MYH11: variants seen among roughly 807,000 people sequenced by gnomAD.
The protein encoded by MYH11 is myosin heavy chain 11, also known as myosin-11.
A neutral mutation model predicts 246.6 loss-of-function variants in MYH11; 80 were observed. The observed-to-expected ratio is 0.32, with a 90% confidence interval of 0.27 to 0.39. The LOEUF (loss-of-function observed/expected upper bound fraction) is 0.39. MYH11 is among the 10% of genes least tolerant of loss of function. MYH11 has a pLI of 1.00. For missense variants in MYH11, 2,158 were observed against 2,546.8 expected, an observed-to-expected ratio of 0.85 and a Z score of 3.29; for synonymous variants, 1,071 against 1,015.5, an observed-to-expected ratio of 1.05 and a Z score of -1.04.
intron 3 of MYH11, among the ~76,000 whole-genome samples, chr16:15,813,272 C>G (rs1008114666): frequency 6.6e-6 from 1 of 151,966 alleles, no homozygotes; most frequent in Non-Finnish European, 1.5e-5. Flanking sequence ...ATTGCTGAAC[C>G]CAGGAGTTTG....
chr16:15,781,523 T>C (rs1450070638), intron 6 of MYH11, among the ~76,000 whole-genome samples: 2 of 152,190 alleles, frequency 1.3e-5, no homozygotes, highest in African/African-American at 4.8e-5. Context: ...AATTTTTCCT[T>C]CATCTTTTCT....
chr16:15,774,084 G>A (rs2042166590), intron 8 of MYH11, among the ~76,000 whole-genome samples: 1 of 152,200 alleles, frequency 6.6e-6, no homozygotes, highest in African/African-American at 2.4e-5. Context: ...TCTTTTATGG[G>A]TCAAGTCACT....
intron 3 of MYH11, among the ~76,000 whole-genome samples, chr16:15,816,273 G>T (rs997550597): frequency 6.6e-6 from 1 of 152,156 alleles, no homozygotes; most frequent in Non-Finnish European, 1.5e-5. Context: ...AGATCAGAAG[G>T]CTATAGTAGA....
chr16:15,709,499 GA>G (rs2039660313), intron 40 of MYH11, among the ~76,000 whole-genome samples: 1 of 152,094 alleles, frequency 6.6e-6, no homozygotes, highest in Admixed American at 6.6e-5. Context: ...ATTTTTAGTA[GA>G]GACGGAGTTT....
Position 15,718,312 on chromosome 16 carries a change from C to T in MYH11, c.5295+3G>A. The T allele has an allele frequency of 6.2e-7, 1 of 1,608,860 alleles. No individual in the cohort carries two copies. Among genetic ancestry groups the T allele is most frequent in the Non-Finnish European group, 8.5e-7 (1 of 1,179,978 alleles). ...GTGACTGTGGTGTCCAGGCGGCCCT[C>T]ACCTGCTGTGTGGCTTTGCGGACCC... is the stretch of plus-strand genomic sequence containing the variant. On this transcript the variant is annotated splice_donor_region_variant and intron_variant, in intron 37 of 40. Transcript: ENST00000300036.
intron 37 of MYH11, 79 bp downstream of exon 37, chr16:15,718,236 C>A: frequency 1.3e-6 from 2 of 1,598,706 alleles, no homozygotes; most frequent in Middle Eastern, 1.8e-4. Flanking sequence ...GAAGCCGCCA[C>A]GCGTGTGTTG....
At position 15,721,030 on chromosome 16, in the gene MYH11, T is replaced by C; in HGVS notation, c.4600A>G (p.Lys1534Glu). The stretch of plus-strand genomic sequence containing the variant: ...TCCATCTGGGTCTCCAGGGCCCGCT[T>C]GGACTTCTCCAGCTCATGGACCTGC... ...GKNVHELEKS[K>E]RALETQMEEM... is the part of the protein sequence containing the mutation. The change falls in exon 33 of 41, where the codon AAG becomes GAG. Residue 1534 changes from lysine (K) to glutamate (E), a missense_variant. Lys to Glu is a moderately conservative substitution (Grantham distance 56). Coordinates refer to ENST00000300036, the MANE Select transcript of MYH11 (RefSeq NM_002474.3). 6.2e-7 allele frequency: 1 copy of C among 1,614,018 alleles called. No homozygotes were observed. The highest frequency in any genetic ancestry group is 8.5e-7 in the Non-Finnish European group (1 of 1,180,014).
intron 27 of MYH11, among the ~76,000 whole-genome samples, chr16:15,728,429 G>A (rs1348507682): frequency 1.3e-5 from 2 of 152,152 alleles, no homozygotes; most frequent in East Asian, 3.8e-4. Flanking sequence ...TTCCTTCAAG[G>A]CAACAATCTG....
intron 28 of MYH11, 191 bp from the exon 29 acceptor site, chr16:15,725,183 C>T (rs2040694943): frequency 1.6e-6 from 1 of 628,654 alleles, no homozygotes; most frequent in Non-Finnish European, 2.8e-6. Context: ...GAATCTGTGG[C>T]TTGAAGGGAA....
intron 40 of MYH11, among the ~76,000 whole-genome samples, chr16:15,708,246 G>T (rs1203871901): frequency 6.6e-6 from 1 of 152,178 alleles, no homozygotes; most frequent in Non-Finnish European, 1.5e-5. Flanking sequence ...CATTTCCTTC[G>T]CAGACAAGCC....
rs1052873120 is a variant in MYH11 at position 15,760,396 on chromosome 16, A to G, written c.1248+144T>C. ...TGAACAGACAGATGAATGAGTGGGT[A>G]GAAAGATGGATGGATGGACAGATGC... On this transcript the variant is annotated intron_variant, in intron 11 of 40. Transcript: ENST00000300036. The G allele has an allele frequency of 1.4e-5, 11 of 758,856 alleles. No homozygotes were observed. The Admixed American group carries it at 2.0e-4, about 14-fold the overall frequency. The allele number at this position is 758,856 out of a possible 1,614,324, so 47.0% of individuals were successfully genotyped here.
chr16:15,786,350 GC>G, intron 5 of MYH11: 1 of 563,990 alleles, frequency 1.8e-6, no homozygotes, highest in Non-Finnish European at 3.3e-6. Context: ...CCACTGAGAA[GC>G]CCCGACGTGG....
At chr16:15,812,677 A>T (rs1596883475) in intron 3 of MYH11, among the ~76,000 whole-genome samples, 1 of 151,152 alleles carries the variant, frequency 6.6e-6, no homozygotes, top group African/African-American at 2.4e-5. Context: ...GTTCAAGACC[A>T]GCCTGGGCAA....
intron 12 of MYH11, 115 bp from the exon 13 acceptor site, chr16:15,758,115 T>G: frequency 6.7e-7 from 1 of 1,486,804 alleles, no homozygotes; most frequent in Non-Finnish European, 9.3e-7. Flanking sequence ...CATCCTGTTC[T>G]GCCATCCCAG....
At chr16:15,772,338 C>T (rs546260988) in intron 8 of MYH11, among the ~76,000 whole-genome samples, 42 of 152,148 alleles carry the variant, frequency 2.8e-4, no homozygotes, top group African/African-American at 9.4e-4. Flanking sequence ...GTGATCCACC[C>T]ACCTTGGCCT....
chr16:15,810,557 G>C (rs2043116044), intron 3 of MYH11, among the ~76,000 whole-genome samples: 1 of 152,110 alleles, frequency 6.6e-6, no homozygotes, highest in South Asian at 2.1e-4. Context: ...AACCGGGCCA[G>C]ACACATAGCT....
In MYH11 at chr16:15,724,075, G is replaced by A. The variant is rs2040621361; in HGVS notation, c.4365+86C>T. The A allele has an allele frequency of 8.1e-6, 13 of 1,599,502 alleles. No individual in the cohort carries two copies. The East Asian group carries it at 2.0e-4, about 25-fold the overall frequency. ...AGAGTGGAGAGGGGATGCAGGCACAGGCCAGAGCCACGCGTCATACTCTGC... is the reference window on the plus strand; with the variant it reads ...AGAGTGGAGAGGGGATGCAGGCACAAGCCAGAGCCACGCGTCATACTCTGC... On this transcript the variant is annotated intron_variant, in intron 31 of 40. Transcript: ENST00000300036.
At chr16:15,748,684 T>G (rs2041485767) in intron 16 of MYH11, among the ~76,000 whole-genome samples, 1 of 152,140 alleles carries the variant, frequency 6.6e-6, no homozygotes, top group Non-Finnish European at 1.5e-5. Context: ...GGTGCGATCA[T>G]GGCTCACTGC....
Position 15,789,052 on chromosome 16 carries a change from A to G in MYH11, c.531-2320T>C, listed in dbSNP as rs142761877. Reference sequence around the variant, plus strand: ...AGGGTCCCTTTGCTAAATGCTCTACATGAATTATTTCCTTTATCCTCTTCC... The same window carrying G: ...AGGGTCCCTTTGCTAAATGCTCTACGTGAATTATTTCCTTTATCCTCTTCC... On this transcript the variant is annotated intron_variant, in intron 4 of 40. Coordinates refer to ENST00000300036, the MANE Select transcript of MYH11 (RefSeq NM_002474.3). Among the ~76,000 whole-genome samples, 317 of 152,248 alleles carry G rather than the reference A, an allele frequency of 2.1e-3. 2 individuals are homozygous for G. The highest frequency in any genetic ancestry group is 7.3e-3 in the African/African-American group (303 of 41,518).
Sources: allele counts gnomAD v4.1 joint callset (sites outside exome capture counted in the v4.1 genomes callset), GRCh38; gene constraint gnomAD v4.1.1; transcripts MANE v1.5; gene names NCBI Gene and HGNC (gene_info 2026-07-23, HGNC 2026-07-21).